Variants in ZNF649 observed in about 807,000 individuals in gnomAD.
ZNF649 encodes zinc finger protein 649.
A neutral mutation model predicts 14.1 loss-of-function variants in ZNF649; 7 were observed. The observed-to-expected ratio is 0.49, with a 90% CI of 0.28 to 0.93. ZNF649 has a LOEUF of 0.93. Ranked by LOEUF, ZNF649 falls within the 40% of genes least tolerant of loss-of-function variation. The probability of loss-of-function intolerance (pLI) is 0.10; values close to 1 mark genes in which losing one functional copy is unlikely to be tolerated. For missense variants in ZNF649, 544 were observed against 608.1 expected, an observed-to-expected ratio of 0.89 and a Z score of 1.11; for synonymous variants, 227 against 212.3, an observed-to-expected ratio of 1.07 and a Z score of -0.60.
intron 2 of ZNF649, 70 bp from the exon 3 acceptor site, chr19:51,897,048 C>G: frequency 6.3e-7 from 1 of 1,597,418 alleles, no homozygotes; most frequent in Non-Finnish European, 8.6e-7. Context: ...AGTTGTTCGG[C>G]CCATTTTCAC....
In ZNF649 at chr19:51,891,993, C is replaced by G. The variant is rs771205922; in HGVS notation, c.239-96G>C. 7.4e-7 allele frequency: 1 copy of G among 1,344,668 alleles called. No individual in the cohort carries two copies. Among genetic ancestry groups the G allele is most frequent in the African/African-American group, 1.5e-5 (1 of 68,072 alleles). The allele number at this position is 1,344,668 out of a possible 1,614,324, so 83.3% of individuals were successfully genotyped here. A position where few individuals can be genotyped will look rare whatever the true frequency, so the allele number is the denominator to read the frequency against. Reference sequence around the variant, plus strand: ...GTTGGCTGGCTTTTTACTGGAACCCCTATAATACCAACATGGAAGGAATTC... The same window carrying G: ...GTTGGCTGGCTTTTTACTGGAACCCGTATAATACCAACATGGAAGGAATTC... On this transcript the variant is annotated intron_variant, in intron 4 of 4. Coordinates refer to ENST00000354957, the MANE Select transcript of ZNF649 (RefSeq NM_023074.4). This position sits in a 1 kb window ranked among gnomAD's most constrained non-coding sequence, Gnocchi z 4.2.
At chr19:51,894,867 G>GC (rs1287592981) in intron 4 of ZNF649, among the ~76,000 whole-genome samples, 1 of 151,196 alleles carries the variant, frequency 6.6e-6, no homozygotes, top group African/African-American at 2.4e-5. Context: ...ACACGCCCAG[G>GC]CCCCCAACTC....
At position 51,900,162 on chromosome 19, in the gene ZNF649, T is replaced by C; in HGVS notation, c.-55A>G. ...CTGGGATGCTTCGTCTTTGGTTTCT[T>C]CTGGATCCTCCCTAAATTTTGGCTA... On this transcript the variant is annotated 5_prime_UTR_variant, in exon 2 of 5. Coordinates refer to ENST00000354957, the MANE Select transcript of ZNF649 (RefSeq NM_023074.4). 7.0e-7 allele frequency: 1 copy of C among 1,432,650 alleles called. No homozygotes were observed. The highest frequency in any genetic ancestry group is 9.2e-7 in the Non-Finnish European group (1 of 1,083,782). The allele number at this position is 1,432,650 out of a possible 1,614,324, so 88.7% of individuals were successfully genotyped here. A position where few individuals can be genotyped will look rare whatever the true frequency, so the allele number is the denominator to read the frequency against.
intron 1 of ZNF649, among the ~76,000 whole-genome samples, chr19:51,901,987 A>G (rs2085097759): frequency 6.6e-6 from 1 of 151,474 alleles, no homozygotes; most frequent in Admixed American, 6.6e-5. Flanking sequence ...AGAAAGAAGA[A>G]ATAATAATAA....
Position 51,900,097 on chromosome 19 carries a change from G to A in ZNF649, c.11C>T (p.Ala4Val). MTK[A>V]QESLTLEDVA... ...ATAAAACAAACCAAAAGTTACCTGGGCCTTTGTCATTTTCTTCTGTTTCAG... is the reference window on the plus strand; with the variant it reads ...ATAAAACAAACCAAAAGTTACCTGGACCTTTGTCATTTTCTTCTGTTTCAG... Residue 4 changes from alanine (A) to valine (V), a missense_variant, in exon 2 of 5, where the codon GCC becomes GTC. Physicochemically the swap from Ala to Val is moderately conservative, Grantham distance 64. Coordinates refer to ENST00000354957, the MANE Select transcript of ZNF649 (RefSeq NM_023074.4). 1 of 1,529,322 alleles carries A rather than the reference G, an allele frequency of 6.5e-7. No individual in the cohort carries two copies. Among genetic ancestry groups the A allele is most frequent in the Non-Finnish European group, 8.8e-7 (1 of 1,137,102 alleles). The allele number at this position is 1,529,322 out of a possible 1,614,324, so 94.7% of individuals were successfully genotyped here.
chr19:51,901,063 C>T (rs1468995983), intron 1 of ZNF649, among the ~76,000 whole-genome samples: 2 of 152,052 alleles, frequency 1.3e-5, no homozygotes, highest in African/African-American at 4.8e-5. Flanking sequence ...TTTGGAGTCA[C>T]ACAGGATACA....
At chr19:51,902,012 TCA>T (rs1174839894) in intron 1 of ZNF649, among the ~76,000 whole-genome samples, 1 of 150,990 alleles carries the variant, frequency 6.6e-6, no homozygotes, top group African/African-American at 2.4e-5. Flanking sequence ...AAAAGAGGCT[TCA>T]CACACAGATC....
intron 4 of ZNF649, among the ~76,000 whole-genome samples, chr19:51,893,927 A>C (rs2085041562): frequency 6.6e-6 from 1 of 152,156 alleles, no homozygotes; most frequent in Admixed American, 6.5e-5. Context: ...ACCAGGTGAA[A>C]GGTAAGCTCT....
Position 51,900,156 on chromosome 19 carries a change from G to A in ZNF649, c.-49C>T. The A allele has an allele frequency of 6.8e-7, 1 of 1,460,652 alleles. No individual in the cohort carries two copies. The allele number at this position is 1,460,652 out of a possible 1,614,324, so 90.5% of individuals were successfully genotyped here. A position where few individuals can be genotyped will look rare whatever the true frequency, so the allele number is the denominator to read the frequency against. On this transcript the variant is annotated 5_prime_UTR_variant, in exon 2 of 5. Coordinates refer to ENST00000354957, the MANE Select transcript of ZNF649 (RefSeq NM_023074.4). ...CAAGAACTGGGATGCTTCGTCTTTG[G>A]TTTCTTCTGGATCCTCCCTAAATTT...
At chr19:51,899,669 G>GT (rs1373361034) in intron 2 of ZNF649, 2 of 159,798 alleles carry the variant, frequency 1.3e-5, no homozygotes. Context: ...AGGACAAAAA[G>GT]TCTATCTTGT....
chr19:51,901,950 CAAA>C (rs35820639), intron 1 of ZNF649, among the ~76,000 whole-genome samples: 13 of 63,612 alleles, frequency 2.0e-4, no homozygotes, highest in African/African-American at 2.9e-4. Flanking sequence ...GACTCTGTAT[CAAA>C]AAAAAAAAAA....
At chr19:51,896,045 T>G in intron 4 of ZNF649, 1 of 173,482 alleles carries the variant, frequency 5.8e-6, no homozygotes, top group Non-Finnish European at 1.3e-5. Flanking sequence ...CCAGCTGATG[T>G]CTGCTGGAGA....
Position 51,891,764 on chromosome 19 carries a change from GTATC to G in ZNF649, c.368_371del (p.Arg123ThrfsTer51). 1 of 1,614,066 alleles carries G rather than the reference GTATC, an allele frequency of 6.2e-7. No individual in the cohort carries two copies. The highest frequency in any genetic ancestry group is 8.5e-7 in the Non-Finnish European group (1 of 1,180,010). On this transcript the variant is annotated frameshift_variant, in exon 5 of 5. Coordinates refer to ENST00000354957, the MANE Select transcript of ZNF649 (RefSeq NM_023074.4). LOFTEE classifies it low-confidence loss of function (END_TRUNC). The surrounding 1 kb of genome is among the most constrained non-coding windows in gnomAD (Gnocchi z 4.2). ...TAAACTCAGCAGGCTCCTTTCTGTT[GTATC>G]TTCTGCTCTGGTTGGTTAAACCTAA...
chr19:51,891,323 G>C lies in ZNF649; in HGVS notation c.813C>G (p.Phe271Leu), dbSNP rs144001139. 6.2e-7 allele frequency: 1 copy of C among 1,614,228 alleles called. No individual in the cohort carries two copies. Among genetic ancestry groups the C allele is most frequent in the African/African-American group, 1.3e-5 (1 of 75,056 alleles). ...PYGCSECGKA[F>L]PRKSELTEHQ... ...GTTCAGTAAGCTCAGATTTCCTGGG[G>C]AAGGCTTTCCCACATTCACTGCACC... The change falls in exon 5 of 5, where the codon TTC becomes TTG. Residue 271 changes from phenylalanine to leucine, a missense_variant. Physicochemically the swap from Phe to Leu is conservative, Grantham distance 22. Coordinates refer to ENST00000354957, the MANE Select transcript of ZNF649 (RefSeq NM_023074.4). The surrounding 1 kb of genome is among the most constrained non-coding windows in gnomAD (Gnocchi z 4.2).
intron 1 of ZNF649, among the ~76,000 whole-genome samples, chr19:51,903,981 C>A (rs2085109008): frequency 6.6e-6 from 1 of 152,192 alleles, no homozygotes; most frequent in African/African-American, 2.4e-5. Context: ...TAATCGTATG[C>A]ACCTGTAACA....
intron 1 of ZNF649, among the ~76,000 whole-genome samples, chr19:51,904,525 C>T (rs2085112347): frequency 6.6e-6 from 1 of 152,106 alleles, no homozygotes; most frequent in South Asian, 2.1e-4. Flanking sequence ...CACACATCCC[C>T]GATTCACCCC....
At chr19:51,898,158 T>C (rs1568456594) in intron 2 of ZNF649, among the ~76,000 whole-genome samples, 1 of 151,816 alleles carries the variant, frequency 6.6e-6, no homozygotes, top group Non-Finnish European at 1.5e-5. Context: ...ACACAGTGTC[T>C]TTTCCAGCAA....
intron 4 of ZNF649, 92 bp downstream of exon 4, chr19:51,896,380 C>T: frequency 8.8e-7 from 1 of 1,138,996 alleles, no homozygotes. Context: ...GTTTCTGTCT[C>T]CCTAGACACT....
intron 1 of ZNF649, among the ~76,000 whole-genome samples, chr19:51,902,232 T>C (rs1472356851): frequency 6.6e-6 from 1 of 152,240 alleles, no homozygotes; most frequent in Non-Finnish European, 1.5e-5. Flanking sequence ...CTCAGCTATC[T>C]TGTTATAGCA....
Sources: allele counts gnomAD v4.1 joint callset (sites outside exome capture counted in the v4.1 genomes callset), GRCh38; gene constraint gnomAD v4.1.1; non-coding constraint Gnocchi (gnomAD v3.1); transcripts MANE v1.5; gene names NCBI Gene and HGNC (gene_info 2026-07-23, HGNC 2026-07-21).